Variants in ADGRG4 observed in about 807,000 individuals in gnomAD.
ADGRG4 encodes adhesion G protein-coupled receptor G4.
In ADGRG4, 122 loss-of-function variants were observed where a neutral mutation model predicts 126.2. The ratio of observed to expected loss-of-function variants is 0.97; its 90% CI spans 0.83 to 1.12. ADGRG4 has a LOEUF of 1.12. Among genes scored for constraint, ADGRG4 ranks in the 50% most tolerant of loss-of-function variants. The probability of loss-of-function intolerance (pLI) is 0.00; values close to 1 mark genes in which losing one functional copy is unlikely to be tolerated. For missense variants in ADGRG4, 2,481 were observed against 2,251.8 expected (o/e 1.10, Z -2.06); for synonymous variants, 943 against 838.7 (o/e 1.12, Z -2.15).
chrX:136,330,647 C>T (rs2074903832), intron 5 of ADGRG4, among the ~76,000 whole-genome samples: 1 of 110,948 alleles, frequency 9.0e-6, no homozygotes. Context: ...AATGCCTTGG[C>T]TTGGCTGTAT....
chrX:136,341,083 T>A (rs2074976533), intron 5 of ADGRG4, among the ~76,000 whole-genome samples: 1 of 111,878 alleles, frequency 8.9e-6, no homozygotes, highest in African/African-American at 3.2e-5. Flanking sequence ...ACTCATTTGT[T>A]TTTATCTTTC....
At chrX:136,351,376 T>C in intron 6 of ADGRG4, 71 bp from the exon 7 acceptor site, 1 of 602,228 alleles carries the variant, frequency 1.7e-6, no homozygotes, top group Non-Finnish European at 2.6e-6. Flanking sequence ...AGAACACTTT[T>C]CACCAAATTT....
chrX:136,378,561 T>G (rs1253811983), intron 15 of ADGRG4, among the ~76,000 whole-genome samples: 1 of 111,781 alleles, frequency 8.9e-6, no homozygotes, highest in Non-Finnish European at 1.9e-5. Flanking sequence ...CCTTGTCTTA[T>G]TTTTAATATT....
At chrX:136,376,930 G>A (rs1374557479) in intron 15 of ADGRG4, among the ~76,000 whole-genome samples, 1 of 109,918 alleles carries the variant, frequency 9.1e-6, no homozygotes, top group Non-Finnish European at 1.9e-5. Flanking sequence ...CAATTTGGAT[G>A]CCCTTTATTT....
At chrX:136,386,535 G>A (rs1399226420) in intron 15 of ADGRG4, among the ~76,000 whole-genome samples, 1 of 111,817 alleles carries the variant, frequency 8.9e-6, no homozygotes, top group Admixed American at 9.5e-5. Flanking sequence ...AACTTGAGAG[G>A]CAGCATAGAT....
intron 5 of ADGRG4, among the ~76,000 whole-genome samples, chrX:136,342,900 G>A (rs2074987652): frequency 1.3e-5 from 1 of 76,961 alleles, no homozygotes; most frequent in Non-Finnish European, 2.4e-5. Flanking sequence ...GTGTGTGTGT[G>A]TGTGTGTGTG....
chrX:136,376,627 GGTATTGTATTGTATT>G (rs138629547), intron 15 of ADGRG4, among the ~76,000 whole-genome samples: 2,936 of 86,083 alleles, frequency 0.034, 46 homozygotes, highest in East Asian at 0.069. Flanking sequence ...TATATTCCTG[GGTATTGTATTGTATT>G]GTATTGTATT....
chrX:136,374,129 T>A (rs1292889722), intron 15 of ADGRG4, among the ~76,000 whole-genome samples: 2 of 105,704 alleles, frequency 1.9e-5, no homozygotes, highest in Non-Finnish European at 3.9e-5. Flanking sequence ...TTATAATATG[T>A]ACTGTTTTAT....
chrX:136,310,324 T>C (rs1004605166), intron 4 of ADGRG4, among the ~76,000 whole-genome samples: 1 of 110,104 alleles, frequency 9.1e-6, no homozygotes, highest in Admixed American at 9.8e-5. Context: ...ATTTTTATAA[T>C]GGTCAGTGAA....
At chrX:136,359,539 C>G in intron 11 of ADGRG4, 84 bp downstream of exon 11, 1 of 754,793 alleles carries the variant, frequency 1.3e-6, no homozygotes, top group Non-Finnish European at 1.9e-6. Context: ...GTTAAGGATT[C>G]TGAGTTCAGA....
At chrX:136,396,531 G>A (rs1351129385) in intron 19 of ADGRG4, among the ~76,000 whole-genome samples, 1 of 100,638 alleles carries the variant, frequency 9.9e-6, no homozygotes, top group Non-Finnish European at 2.0e-5. Context: ...GGAGGTTGAG[G>A]CTGCAGTAGG....
chrX:136,325,711 C>CTTT (rs142748862), intron 5 of ADGRG4, among the ~76,000 whole-genome samples: 1 of 91,983 alleles, frequency 1.1e-5, no homozygotes, highest in Non-Finnish European at 2.1e-5. Flanking sequence ...CTTTTGTACA[C>CTTT]TTTTTTTTTT....
At chrX:136,306,109 G>C (rs750198735) in intron 3 of ADGRG4, 6 of 111,628 alleles carry the variant, frequency 5.4e-5, no homozygotes, top group Non-Finnish European at 9.4e-5. Context: ...TAGGAATTTA[G>C]AGACAAGATC....
intron 7 of ADGRG4, 105 bp downstream of exon 7, chrX:136,351,646 C>A (rs1603295564): frequency 3.0e-6 from 1 of 328,104 alleles, no homozygotes. Flanking sequence ...TTTTTTCTAC[C>A]AATAATAAAT....
chrX:136,353,767 T>C (rs187490956), intron 8 of ADGRG4, among the ~76,000 whole-genome samples: 2 of 112,334 alleles, frequency 1.8e-5, no homozygotes, highest in African/African-American at 6.5e-5. Context: ...CCTTTTATTT[T>C]GGAATGATTC....
At chrX:136,379,995 A>G (rs1177804407) in intron 15 of ADGRG4, among the ~76,000 whole-genome samples, 1 of 111,774 alleles carries the variant, frequency 8.9e-6, no homozygotes, top group Non-Finnish European at 1.9e-5. Flanking sequence ...TGTATTTACC[A>G]CACTTTGTTC....
In ADGRG4 at chrX:136,405,914, T is replaced by C; in HGVS notation, c.8877T>C (p.Ala2959=). The change falls in exon 23 of 26, where the codon GCT becomes GCC. Residue 2959 remains alanine, a synonymous_variant. Transcript: ENST00000394143. ...TCACCTGGGGGTTTGCATTTTTTGC[T>C]TGGGGACCCATGAGGAACTTTTTCT... ...LGLTWGFAFF[A]WGPMRNFFLY... is the part of the protein sequence containing the mutation. 2 of 1,164,965 alleles carry C rather than the reference T, an allele frequency of 1.7e-6. No individual in the cohort carries two copies. The highest frequency in any genetic ancestry group is 1.1e-6 in the Non-Finnish European group (1 of 870,817).
In ADGRG4 at chrX:136,302,855, A is replaced by T. The variant is rs1243597682; in HGVS notation, c.-253-1278A>T. ...GATTTTATACAAATAATAGAGGTGG[A>T]TACCATCATCACCATTAACTCATGA... On this transcript the variant is annotated intron_variant, in intron 1 of 25. Coordinates refer to ENST00000394143, the MANE Select transcript of ADGRG4 (RefSeq NM_153834.4). Among the ~76,000 whole-genome samples the T allele has an allele frequency of 6.2e-5, 7 of 112,128 alleles. No homozygotes were observed. The South Asian group carries it at 2.6e-3, about 42-fold the overall frequency.
At chrX:136,411,680 G>A (rs901435115) in intron 23 of ADGRG4, among the ~76,000 whole-genome samples, 1 of 112,565 alleles carries the variant, frequency 8.9e-6, no homozygotes, top group African/African-American at 3.2e-5. Flanking sequence ...AGGGACTGTC[G>A]TGAAGTTGTA....
Sources: allele counts gnomAD v4.1 joint callset (sites outside exome capture counted in the v4.1 genomes callset), GRCh38; gene constraint gnomAD v4.1.1; transcripts MANE v1.5; gene names NCBI Gene and HGNC (gene_info 2026-07-23, HGNC 2026-07-21).